CRACD: variants seen among roughly 807,000 people sequenced by gnomAD.
CRACD encodes capping protein inhibiting regulator of actin dynamics, also known as capping protein-inhibiting regulator of actin dynamics.
CRACD carries 56 observed loss-of-function variants against 106.8 expected under a neutral mutation model. That is an observed-to-expected ratio of 0.52 (90% CI 0.42 to 0.66). CRACD has a LOEUF of 0.66. CRACD is among the 30% of genes least tolerant of loss of function. The probability of loss-of-function intolerance (pLI) is 0.00; values close to 1 mark genes in which losing one functional copy is unlikely to be tolerated. For synonymous variants in CRACD, 754 were observed against 670.8 expected, an observed-to-expected ratio of 1.12 and a Z score of -1.92; for missense variants, 1,730 against 1,623.2, an observed-to-expected ratio of 1.07 and a Z score of -1.13.
chr4:56,095,410 G>C (rs1313307035), intron 1 of CRACD, among the ~76,000 whole-genome samples: 2 of 152,158 alleles, frequency 1.3e-5, no homozygotes, highest in East Asian at 1.9e-4. Flanking sequence ...GAGACAAAGT[G>C]GGGGAAAGGG....
intron 1 of CRACD, among the ~76,000 whole-genome samples, chr4:56,166,038 T>A (rs1034984571): frequency 3.3e-5 from 5 of 152,036 alleles, no homozygotes; most frequent in African/African-American, 1.2e-4. Flanking sequence ...TAAAAAAATG[T>A]TTTTTTGTAG....
At chr4:56,206,575 A>G (rs1347754465) in intron 2 of CRACD, among the ~76,000 whole-genome samples, 1 of 152,202 alleles carries the variant, frequency 6.6e-6, no homozygotes, top group Non-Finnish European at 1.5e-5. Context: ...TTTTTATAGG[A>G]GATAAACAAA....
rs34291347 is a variant in CRACD, at chr4:56,182,863, ATGTGTG to A, written c.-189+3467_-189+3472del. 6.2e-3 allele frequency among the ~76,000 whole-genome samples: 900 copies of A among 144,792 alleles called. 5 individuals carry two copies. The highest frequency in any genetic ancestry group is 9.0e-3 in the African/African-American group (353 of 39,086). The allele number at this position is 144,792 out of a possible 152,430, so 95.0% of individuals were successfully genotyped here. Reference sequence around the variant, plus strand: ...CTCATACAACGTAGAAAAAAAAGATATGTGTGTGTGTGTGTGTGTGTGTGTGTGTGT... The same window carrying A: ...CTCATACAACGTAGAAAAAAAAGATATGTGTGTGTGTGTGTGTGTGTGTGT... On this transcript the variant is annotated intron_variant, in intron 2 of 10. Coordinates refer to ENST00000682029, the MANE Select transcript of CRACD (RefSeq NM_001393381.1).
intron 5 of CRACD, among the ~76,000 whole-genome samples, chr4:56,308,118 T>TGACA (rs1190693029): frequency 6.6e-6 from 1 of 152,242 alleles, no homozygotes; most frequent in Non-Finnish European, 1.5e-5. Context: ...AAACTGGGTC[T>TGACA]GACACATCTT....
intron 1 of CRACD, among the ~76,000 whole-genome samples, chr4:56,159,524 C>T (rs958279206): frequency 9.2e-5 from 14 of 151,940 alleles, no homozygotes; most frequent in African/African-American, 1.7e-4. Flanking sequence ...TGGTGGCGGG[C>T]GCCTGTAGTC....
chr4:56,077,277 T>A (rs1732872756), intron 1 of CRACD, among the ~76,000 whole-genome samples: 1 of 152,174 alleles, frequency 6.6e-6, no homozygotes, highest in Admixed American at 6.5e-5. Context: ...CAGATGCTTA[T>A]AAAACCATCA....
chr4:56,270,129 A>G (rs932536844), intron 2 of CRACD, among the ~76,000 whole-genome samples: 2 of 152,030 alleles, frequency 1.3e-5, no homozygotes, highest in Non-Finnish European at 2.9e-5. Context: ...TCTTTTTGTA[A>G]TTGGTTATTA....
At chr4:56,105,299 G>A (rs1453279959) in intron 1 of CRACD, among the ~76,000 whole-genome samples, 3 of 152,180 alleles carry the variant, frequency 2.0e-5, no homozygotes, top group Non-Finnish European at 4.4e-5. Flanking sequence ...AGGAGTTTGG[G>A]ACCAGCCTCG....
intron 1 of CRACD, among the ~76,000 whole-genome samples, chr4:56,141,518 G>T (rs1310972800): frequency 6.6e-6 from 1 of 151,756 alleles, no homozygotes; most frequent in African/African-American, 2.4e-5. Flanking sequence ...AATCACTTGA[G>T]CCCAGGAGGT....
chr4:56,209,001 T>A (rs1738271355), intron 2 of CRACD, among the ~76,000 whole-genome samples: 1 of 152,190 alleles, frequency 6.6e-6, no homozygotes, highest in Non-Finnish European at 1.5e-5. Flanking sequence ...TTTTTTGCAG[T>A]TTACTCAAAA....
intron 1 of CRACD, among the ~76,000 whole-genome samples, chr4:56,076,270 T>A (rs935367307): frequency 3.3e-5 from 5 of 152,178 alleles, no homozygotes; most frequent in African/African-American, 1.2e-4. Flanking sequence ...GACTGTGGCC[T>A]CCAGAATTCA....
chr4:56,086,373 C>T (rs1212702602), intron 1 of CRACD, among the ~76,000 whole-genome samples: 1 of 151,936 alleles, frequency 6.6e-6, no homozygotes, highest in Non-Finnish European at 1.5e-5. Flanking sequence ...GACCTCCTGG[C>T]CTCAAGCAAT....
intron 1 of CRACD, among the ~76,000 whole-genome samples, chr4:56,100,912 A>G (rs950642576): frequency 6.6e-6 from 1 of 152,210 alleles, no homozygotes; most frequent in Non-Finnish European, 1.5e-5. Context: ...AATGAAAACA[A>G]GATTTTAGAG....
chr4:56,148,644 C>A (rs933445986), intron 1 of CRACD, among the ~76,000 whole-genome samples: 1 of 152,120 alleles, frequency 6.6e-6, no homozygotes, highest in Non-Finnish European at 1.5e-5. Flanking sequence ...TGTTGAACAA[C>A]TTTTTATATT....
rs531928485 is a variant in CRACD at position 56,137,580 on chromosome 4, T to C, written c.-335-41704T>C. Among the ~76,000 whole-genome samples, 5 of 152,336 alleles carry C rather than the reference T, an allele frequency of 3.3e-5. No individual in the cohort carries two copies. The South Asian group carries it at 8.3e-4, about 25-fold the overall frequency. On this transcript the variant is annotated intron_variant, in intron 1 of 10. Transcript: ENST00000682029. ...CATTGCTTCAGATATTTTGTCCAAT[T>C]TTTAAGTTTAAGTTGAGAAGACAAA...
chr4:56,184,798 A>G (rs1737013513), intron 2 of CRACD, among the ~76,000 whole-genome samples: 1 of 152,222 alleles, frequency 6.6e-6, no homozygotes, highest in South Asian at 2.1e-4. Context: ...TATGGAATGG[A>G]AACAAGATCC....
intron 2 of CRACD, among the ~76,000 whole-genome samples, chr4:56,211,683 T>C (rs530309157): frequency 1.3e-5 from 2 of 152,214 alleles, no homozygotes; most frequent in Admixed American, 6.5e-5. Context: ...GGGCTCACAA[T>C]TGGGGAGCGC....
chr4:56,184,979 C>T (rs375311208), intron 2 of CRACD, among the ~76,000 whole-genome samples: 35 of 152,212 alleles, frequency 2.3e-4, no homozygotes, highest in African/African-American at 5.3e-4. Flanking sequence ...TTTTTTGAGA[C>T]GGAGTCTTGC....
intron 5 of CRACD, 150 bp downstream of exon 5, chr4:56,307,849 T>C: frequency 2.8e-6 from 2 of 714,908 alleles, no homozygotes; most frequent in South Asian, 1.9e-5. Flanking sequence ...CTGGTAGGTG[T>C]CCTGACCTGT....
Sources: gnomAD v4.1 joint callset for allele counts (sites outside exome capture counted in the v4.1 genomes callset) on GRCh38, gnomAD v4.1.1 for gene constraint, MANE v1.5 for transcripts, NCBI Gene and HGNC (gene_info 2026-07-23, HGNC 2026-07-21) for gene names.